Variants in CD163L1 observed in about 807,000 individuals in gnomAD.
CD163L1 encodes CD163 molecule like 1, also known as scavenger receptor cysteine-rich type 1 protein M160.
In CD163L1, 124 loss-of-function variants were observed where a neutral mutation model predicts 165.4. The observed-to-expected ratio is 0.75, with a 90% CI of 0.65 to 0.87. CD163L1 has a LOEUF of 0.87. Among genes scored for constraint, CD163L1 ranks in the 40% least tolerant of loss-of-function variants. CD163L1 has a pLI of 0.00. For synonymous variants in CD163L1, 585 were observed against 662.2 expected (o/e 0.88, Z 1.79); for missense variants, 1,525 against 1,799.9 (o/e 0.85, Z 2.76).
chr12:7,418,582 G>A (rs1004289787), intron 4 of CD163L1, among the ~76,000 whole-genome samples: 13 of 151,868 alleles, frequency 8.6e-5, no homozygotes, highest in African/African-American at 2.7e-4. Flanking sequence ...AAAGATGAAT[G>A]AAACAAAAAG....
Position 7,432,861 on chromosome 12 carries a change from T to C in CD163L1, c.446-125A>G. 1.3e-6 allele frequency: 1 copy of C among 772,750 alleles called. No homozygotes were observed. The highest frequency in any genetic ancestry group is 1.9e-6 in the Non-Finnish European group (1 of 514,774). The allele number at this position is 772,750 out of a possible 1,614,324, so 47.9% of individuals were successfully genotyped here. A position where few individuals can be genotyped will look rare whatever the true frequency, so the allele number is the denominator to read the frequency against. Reference sequence around the variant, plus strand: ...TTACCAAAAATTAAAAAAAAATAACTGAAAATACTTATAGGAGGGGTATGT... The same window carrying C: ...TTACCAAAAATTAAAAAAAAATAACCGAAAATACTTATAGGAGGGGTATGT... On this transcript the variant is annotated intron_variant, in intron 3 of 19. Transcript: ENST00000313599. This position sits in a 1 kb window ranked among gnomAD's most constrained non-coding sequence, Gnocchi z 4.2.
intron 18 of CD163L1, among the ~76,000 whole-genome samples, chr12:7,364,088 C>T (rs2136394071): frequency 6.6e-6 from 1 of 152,134 alleles, no homozygotes; most frequent in African/African-American, 2.4e-5. Context: ...GATTTTTCAC[C>T]ACAATCAAGT....
intron 18 of CD163L1, among the ~76,000 whole-genome samples, chr12:7,358,135 C>T (rs1591868759): frequency 6.6e-6 from 1 of 152,126 alleles, no homozygotes; most frequent in Non-Finnish European, 1.5e-5. Flanking sequence ...ATTGGAGAGA[C>T]AGACAGGCAG....
chr12:7,434,799 T>A (rs1338280395), intron 2 of CD163L1, among the ~76,000 whole-genome samples: 2 of 152,042 alleles, frequency 1.3e-5, no homozygotes, highest in African/African-American at 4.8e-5. Context: ...ACACAATGGC[T>A]TAGTGAGAAT....
intron 4 of CD163L1, among the ~76,000 whole-genome samples, chr12:7,428,804 AAACT>A (rs1948585222): frequency 6.6e-6 from 1 of 152,116 alleles, no homozygotes; most frequent in African/African-American, 2.4e-5. Context: ...TGAAAATATA[AAACT>A]AACTTTTGCT....
chr12:7,409,713 G>C (rs1046222357), intron 4 of CD163L1, among the ~76,000 whole-genome samples: 3 of 152,154 alleles, frequency 2.0e-5, no homozygotes, highest in Admixed American at 1.3e-4. Flanking sequence ...CGAGAAATAA[G>C]GACTAGAACA....
chr12:7,396,131 A>T lies in CD163L1; in HGVS notation c.2014T>A (p.Cys672Ser). 6.2e-7 allele frequency: 1 copy of T among 1,614,066 alleles called. No individual in the cohort carries two copies. The highest frequency in any genetic ancestry group is 8.5e-7 in the Non-Finnish European group (1 of 1,179,962). The change falls in exon 8 of 20, where the codon TGC becomes AGC. Residue 672 changes from cysteine to serine, a missense_variant. Transcript: ENST00000313599. ...ACTCCAACATCTTCACTGTGACTGC[A>T]GTCATTATTTCCCCACCCACTGTTC... ...CRNSGWGNND[C>S]SHSEDVGVIC...
chr12:7,355,872 T>C (rs1379872348), intron 19 of CD163L1, among the ~76,000 whole-genome samples: 1 of 152,094 alleles, frequency 6.6e-6, no homozygotes, highest in East Asian at 1.9e-4. Flanking sequence ...CCTCCCAATA[T>C]CTTGATCATG....
chr12:7,392,879 T>C (rs772676095), intron 8 of CD163L1, among the ~76,000 whole-genome samples: 2 of 152,072 alleles, frequency 1.3e-5, no homozygotes, highest in South Asian at 2.1e-4. Flanking sequence ...CAGGAAGAAG[T>C]TGAATCTCTG....
At chr12:7,407,398 C>T (rs775942761) in intron 4 of CD163L1, among the ~76,000 whole-genome samples, 17 of 151,790 alleles carry the variant, frequency 1.1e-4, no homozygotes, top group South Asian at 2.1e-4. Flanking sequence ...ATGGAACAAA[C>T]GAAACAAATG....
chr12:7,441,751 T>C (rs1293513572), intron 1 of CD163L1, among the ~76,000 whole-genome samples: 1 of 152,238 alleles, frequency 6.6e-6, no homozygotes, highest in African/African-American at 2.4e-5. Flanking sequence ...GGCTTGTGAC[T>C]GGAATGTACA....
chr12:7,424,276 A>T (rs746798335), intron 4 of CD163L1, among the ~76,000 whole-genome samples: 12 of 95,710 alleles, frequency 1.3e-4, no homozygotes, highest in African/African-American at 5.0e-4. Flanking sequence ...AAAATTCAAC[A>T]TCCCTTCATG....
Position 7,369,065 on chromosome 12 carries a change from T to A in CD163L1, c.4040-100A>T. The A allele has an allele frequency of 7.8e-7, 1 of 1,284,260 alleles. No homozygotes were observed. Among genetic ancestry groups the A allele is most frequent in the Non-Finnish European group, 1.1e-6 (1 of 907,278 alleles). 79.6% of individuals were successfully genotyped at this position (1,284,260 alleles called of 1,614,324 possible). A position where few individuals can be genotyped will look rare whatever the true frequency, so the allele number is the denominator to read the frequency against. ...ATTATCGGATGTCATTTAAATATCC[T>A]TTTAACATCTCCTGTGAATACTGGA... On this transcript the variant is annotated intron_variant, in intron 15 of 19. Coordinates refer to ENST00000313599, the MANE Select transcript of CD163L1 (RefSeq NM_174941.6). The surrounding 1 kb of genome is among the most constrained non-coding windows in gnomAD (Gnocchi z 4.9).
intron 5 of CD163L1, 91 bp from the exon 6 acceptor site, chr12:7,403,946 G>C: frequency 1.0e-6 from 1 of 958,278 alleles, no homozygotes; most frequent in Non-Finnish European, 1.6e-6. Context: ...GTGAAGATTA[G>C]ATGTATCCTT....
At chr12:7,415,790 G>A (rs987775442) in intron 4 of CD163L1, among the ~76,000 whole-genome samples, 4 of 152,146 alleles carry the variant, frequency 2.6e-5, no homozygotes, top group Non-Finnish European at 5.9e-5. Flanking sequence ...ATTCCATGGT[G>A]TATACGTGCC....
Position 7,403,798 on chromosome 12 carries a change from A to G in CD163L1, c.1145T>C (p.Val382Ala). 1 of 1,609,636 alleles carries G rather than the reference A, an allele frequency of 6.2e-7. No homozygotes were observed. The highest frequency in any genetic ancestry group is 8.5e-7 in the Non-Finnish European group (1 of 1,178,840). ...ADGSNNCSGR[V>A]EVRIHEQWWT... ...CCACTGTTCATGAATTCTCACCTCT[A>G]CTCTCCCTGAACAATTGTTACTTCC... Residue 382 changes from valine (V) to alanine (A), a missense_variant, in exon 6 of 20, where the codon GTA (valine) becomes GCA (alanine). Val to Ala is a moderately conservative substitution (Grantham distance 64). Coordinates refer to ENST00000313599, the MANE Select transcript of CD163L1 (RefSeq NM_174941.6).
intron 8 of CD163L1, among the ~76,000 whole-genome samples, chr12:7,390,658 G>A (rs888316943): frequency 6.6e-6 from 1 of 152,152 alleles, no homozygotes; most frequent in Non-Finnish European, 1.5e-5. Context: ...ATAGAATTAT[G>A]AAAATTTAAA....
At chr12:7,348,584 A>T (rs1486677257) in intron 4 of CD163L1, among the ~76,000 whole-genome samples, 1 of 152,116 alleles carries the variant, frequency 6.6e-6, no homozygotes, top group Non-Finnish European at 1.5e-5. Flanking sequence ...AAGCTTTGTT[A>T]CCTTCAGCAA....
chr12:7,421,574 C>CATAT (rs1202707771), intron 4 of CD163L1, among the ~76,000 whole-genome samples: 3 of 118,996 alleles, frequency 2.5e-5, no homozygotes, highest in Admixed American at 8.9e-5. Flanking sequence ...TACATATATA[C>CATAT]ATGTACATAT....
Sources: allele counts gnomAD v4.1 joint callset (sites outside exome capture counted in the v4.1 genomes callset), GRCh38; gene constraint gnomAD v4.1.1; non-coding constraint Gnocchi (gnomAD v3.1); transcripts MANE v1.5; gene names NCBI Gene and HGNC (gene_info 2026-07-23, HGNC 2026-07-21).